Variants in ANKS1B observed in about 807,000 individuals in gnomAD.
The protein encoded by ANKS1B is ankyrin repeat and sterile alpha motif domain containing 1B, also known as ankyrin repeat and sterile alpha motif domain-containing protein 1B.
A neutral mutation model predicts 148.3 loss-of-function variants in ANKS1B; 36 were observed. The observed-to-expected ratio is 0.24, with a 90% CI of 0.19 to 0.32. The LOEUF (loss-of-function observed/expected upper bound fraction) is 0.32. ANKS1B is among the 10% of genes least tolerant of loss of function. The pLI is 1.00. For missense variants in ANKS1B, 1,157 were observed against 1,542.6 expected (o/e 0.75, Z 4.19); for synonymous variants, 542 against 560.8 (o/e 0.97, Z 0.47).
At chr12:99,462,431 G>C (rs2095995996) in intron 10 of ANKS1B, among the ~76,000 whole-genome samples, 1 of 152,212 alleles carries the variant, frequency 6.6e-6, no homozygotes, top group East Asian at 1.9e-4. Flanking sequence ...ATCACAGCCT[G>C]ATCTCTCCAG....
intron 17 of ANKS1B, among the ~76,000 whole-genome samples, chr12:99,035,866 G>A (rs946616871): frequency 2.0e-5 from 3 of 152,172 alleles, no homozygotes; most frequent in Admixed American, 2.0e-4. Flanking sequence ...ACGTGGCCAT[G>A]GCTGGGCTTC....
chr12:99,241,827 G>T (rs1378019707), intron 14 of ANKS1B, among the ~76,000 whole-genome samples: 3 of 152,116 alleles, frequency 2.0e-5, no homozygotes, highest in African/African-American at 7.2e-5. Context: ...ATGCAGAAAA[G>T]GCCTTTGACA....
intron 9 of ANKS1B, among the ~76,000 whole-genome samples, chr12:99,535,702 C>G (rs1260596533): frequency 6.6e-6 from 1 of 152,058 alleles, no homozygotes; most frequent in Admixed American, 6.5e-5. Flanking sequence ...TCTACTTCTT[C>G]AAGTTCTTCA....
chr12:99,457,241 T>C (rs1359147701), intron 10 of ANKS1B, among the ~76,000 whole-genome samples: 1 of 152,018 alleles, frequency 6.6e-6, no homozygotes, highest in Non-Finnish European at 1.5e-5. Flanking sequence ...ACTAAAAGAA[T>C]GGCTAAAAGG....
chr12:99,443,228 T>C (rs766377687), intron 11 of ANKS1B, among the ~76,000 whole-genome samples: 6 of 151,858 alleles, frequency 4.0e-5, no homozygotes, highest in East Asian at 1.9e-4. Flanking sequence ...ACAATATTCA[T>C]TGAAACCATA....
chr12:99,906,204 A>T (rs558973094), intron 1 of ANKS1B, among the ~76,000 whole-genome samples: 1 of 152,208 alleles, frequency 6.6e-6, no homozygotes, highest in African/African-American at 2.4e-5. Flanking sequence ...CCTAAAAGAC[A>T]TGTCAACCTA....
chr12:99,528,338 C>A (rs2096949427), intron 9 of ANKS1B, among the ~76,000 whole-genome samples: 1 of 147,878 alleles, frequency 6.8e-6, no homozygotes, highest in South Asian at 2.2e-4. Context: ...ATGAAGATGC[C>A]AAAAACAATT....
At chr12:99,248,601 G>A (rs1276518452) in intron 12 of ANKS1B, among the ~76,000 whole-genome samples, 1 of 152,106 alleles carries the variant, frequency 6.6e-6, no homozygotes, top group Non-Finnish European at 1.5e-5. Context: ...CCATTCTAGG[G>A]GTAGAATAGT....
intron 17 of ANKS1B, among the ~76,000 whole-genome samples, chr12:98,893,004 A>G (rs2099755823): frequency 6.6e-6 from 1 of 152,258 alleles, no homozygotes; most frequent in Admixed American, 6.5e-5. Context: ...TCCTTGAACA[A>G]GGAGCACTGA....
chr12:99,904,194 TC>T (rs1201475989), intron 1 of ANKS1B, among the ~76,000 whole-genome samples: 2 of 109,856 alleles, frequency 1.8e-5, no homozygotes, highest in Non-Finnish European at 4.1e-5. Flanking sequence ...CCCTAATAAT[TC>T]TTTTTTTTTT....
intron 14 of ANKS1B, among the ~76,000 whole-genome samples, chr12:99,161,086 T>G (rs1358461823): frequency 1.3e-5 from 2 of 152,248 alleles, no homozygotes; most frequent in African/African-American, 4.8e-5. Context: ...GGTAGTTTGA[T>G]AGGAATAGCA....
At chr12:99,180,670 A>G (rs1156801861) in intron 14 of ANKS1B, among the ~76,000 whole-genome samples, 4 of 151,044 alleles carry the variant, frequency 2.6e-5, no homozygotes, top group African/African-American at 7.3e-5. Flanking sequence ...ATTTCAAAAA[A>G]GGGAATGCTT....
chr12:99,843,263 C>T (rs1458028605), intron 1 of ANKS1B, among the ~76,000 whole-genome samples: 1 of 152,096 alleles, frequency 6.6e-6, no homozygotes, highest in Non-Finnish European at 1.5e-5. Flanking sequence ...ATATTTACAG[C>T]TCTATTACCA....
intron 14 of ANKS1B, among the ~76,000 whole-genome samples, chr12:99,215,151 A>C (rs192803249): frequency 4.6e-5 from 7 of 152,332 alleles, no homozygotes. Flanking sequence ...CAGAGGGTGC[A>C]ATCCCCAAGC....
rs570481078 is a variant in ANKS1B, at chr12:99,156,368, A to T, written c.2420-1973T>A. On this transcript the variant is annotated intron_variant, in intron 14 of 26. Transcript: ENST00000683438. ...TCTTTCTACCTCTAATATTTAAAAAATCAATTTTATGCATGGTGTCAGAAT... is the reference window on the plus strand; with the variant it reads ...TCTTTCTACCTCTAATATTTAAAAATTCAATTTTATGCATGGTGTCAGAAT... Among the ~76,000 whole-genome samples, 63 of 152,316 alleles carry T rather than the reference A, an allele frequency of 4.1e-4. 1 individual carries two copies. The highest frequency in any genetic ancestry group is 1.4e-3 in the African/African-American group (58 of 41,576).
intron 25 of ANKS1B, among the ~76,000 whole-genome samples, chr12:98,770,775 C>T (rs2098555348): frequency 6.6e-6 from 1 of 152,178 alleles, no homozygotes. Context: ...TACAGTTGGC[C>T]TTGGCCTATA....
chr12:99,609,533 G>T (rs1052410861), intron 9 of ANKS1B, among the ~76,000 whole-genome samples: 2 of 150,152 alleles, frequency 1.3e-5, no homozygotes, highest in African/African-American at 5.0e-5. Context: ...CCTTTGAATT[G>T]GGACTTTTTA....
chr12:98,798,921 T>C lies in ANKS1B; in HGVS notation c.3342+13A>G. On this transcript the variant is annotated intron_variant, in intron 22 of 26. Transcript: ENST00000683438. ...TTTCAGCTACTAGAAATAAAGTAGT[T>C]TGGCAGACTTACCCGCATTTTTGCA... 1 of 1,607,478 alleles carries C rather than the reference T, an allele frequency of 6.2e-7. No individual in the cohort carries two copies.
At chr12:99,124,150 C>A (rs1399990654) in intron 15 of ANKS1B, among the ~76,000 whole-genome samples, 1 of 151,996 alleles carries the variant, frequency 6.6e-6, no homozygotes, top group Non-Finnish European at 1.5e-5. Context: ...TGCTTTGGAT[C>A]CAGAGACTCT....
Sources: gnomAD v4.1 joint callset for allele counts (sites outside exome capture counted in the v4.1 genomes callset) on GRCh38, gnomAD v4.1.1 for gene constraint, MANE v1.5 for transcripts, NCBI Gene and HGNC (gene_info 2026-07-23, HGNC 2026-07-21) for gene names.